The following FRAS1 variants were observed in gnomAD, a reference collection of about 807,000 sequenced individuals.
The protein encoded by FRAS1 is extracellular matrix organizing protein FRAS1.
A neutral mutation model predicts 435.2 loss-of-function variants in FRAS1; 290 were observed. The observed-to-expected ratio is 0.67, with a 90% confidence interval of 0.61 to 0.73. The LOEUF (loss-of-function observed/expected upper bound fraction) is 0.73. Ranked by LOEUF, FRAS1 falls within the 30% of genes least tolerant of loss-of-function variation. FRAS1 has a pLI of 0.00. For synonymous variants in FRAS1, 1,800 were observed against 1,851.0 expected, an observed-to-expected ratio of 0.97 and a Z score of 0.71; for missense variants, 4,860 against 5,001.5, an observed-to-expected ratio of 0.97 and a Z score of 0.85.
At chr4:78,186,360 A>G (rs1281126658) in intron 2 of FRAS1, among the ~76,000 whole-genome samples, 1 of 152,110 alleles carries the variant, frequency 6.6e-6, no homozygotes, top group African/African-American at 2.4e-5. Context: ...CCATCTGTTC[A>G]AGGCTTCACA....
intron 2 of FRAS1, among the ~76,000 whole-genome samples, chr4:78,083,533 A>G (rs1466081167): frequency 6.6e-6 from 1 of 152,110 alleles, no homozygotes; most frequent in East Asian, 1.9e-4. Flanking sequence ...GGAAATAAAA[A>G]GCCTAGGAAC....
At chr4:78,463,839 G>A (rs1719443158) in intron 47 of FRAS1, among the ~76,000 whole-genome samples, 182 bp from the exon 48 acceptor site, 1 of 152,154 alleles carries the variant, frequency 6.6e-6, no homozygotes, top group Non-Finnish European at 1.5e-5. Context: ...TGTTCCCACA[G>A]AATATATGCT....
At chr4:78,122,605 C>T (rs1719093393) in intron 2 of FRAS1, among the ~76,000 whole-genome samples, 1 of 152,032 alleles carries the variant, frequency 6.6e-6, no homozygotes, top group Non-Finnish European at 1.5e-5. Flanking sequence ...AGTGTAAAAG[C>T]ATTTCTATTT....
At position 78,286,508 on chromosome 4, in the gene FRAS1, C is replaced by T. The variant is rs370655417; in HGVS notation, c.1503C>T (p.Asp501=). Residue 501 remains aspartate (D), a synonymous_variant, in exon 14 of 74, where the codon GAC becomes GAT. Coordinates refer to ENST00000512123, the MANE Select transcript of FRAS1 (RefSeq NM_025074.7). The part of the protein sequence containing the change: ...RHGQCVPTCG[D]GFYQDRHSCA... ...GGCAGTGTGTGCCTACCTGTGGGGA[C>T]GGCTTCTACCAAGATCGCCATTCCT... The T allele has an allele frequency of 5.0e-5, 81 of 1,613,338 alleles. No homozygotes were observed. The highest frequency in any genetic ancestry group is 2.7e-4 in the East Asian group (12 of 44,882).
intron 2 of FRAS1, among the ~76,000 whole-genome samples, chr4:78,189,483 G>T (rs1722433554): frequency 6.6e-6 from 1 of 152,198 alleles, no homozygotes; most frequent in African/African-American, 2.4e-5. Context: ...AGTTCTTCAG[G>T]TTCAGAACAT....
chr4:78,539,498 A>G, intron 73 of FRAS1, 58 bp downstream of exon 73: 1 of 1,380,938 alleles, frequency 7.2e-7, no homozygotes, highest in Non-Finnish European at 9.9e-7. Context: ...AGCTTGAAAA[A>G]AAAAAAAAAA....
chr4:78,262,700 T>C (rs1401697449), intron 6 of FRAS1, among the ~76,000 whole-genome samples: 1 of 152,204 alleles, frequency 6.6e-6, no homozygotes, highest in African/African-American at 2.4e-5. Context: ...TTCTTTATCA[T>C]AAGTATTTTT....
chr4:78,380,429 C>A (rs987349027), intron 27 of FRAS1, among the ~76,000 whole-genome samples: 6 of 152,118 alleles, frequency 3.9e-5, no homozygotes, highest in African/African-American at 1.4e-4. Context: ...AACTTAGAAT[C>A]ACAGTGAACT....
At chr4:78,102,635 G>T (rs1742191048) in intron 2 of FRAS1, among the ~76,000 whole-genome samples, 1 of 152,150 alleles carries the variant, frequency 6.6e-6, no homozygotes, top group South Asian at 2.1e-4. Flanking sequence ...AACATGAGAA[G>T]TTGAAGAATT....
intron 2 of FRAS1, among the ~76,000 whole-genome samples, chr4:78,192,676 A>G (rs1032455647): frequency 6.6e-6 from 1 of 152,066 alleles, no homozygotes; most frequent in Non-Finnish European, 1.5e-5. Context: ...CTTCTTTATT[A>G]GTCTTGCTAG....
chr4:78,086,345 C>G (rs1436449574), intron 2 of FRAS1, among the ~76,000 whole-genome samples: 1 of 152,100 alleles, frequency 6.6e-6, no homozygotes, highest in African/African-American at 2.4e-5. Flanking sequence ...AATTGACACT[C>G]TAACATCACA....
At chr4:78,214,414 G>A (rs1182740221) in intron 2 of FRAS1, among the ~76,000 whole-genome samples, 1 of 152,212 alleles carries the variant, frequency 6.6e-6, no homozygotes, top group African/African-American at 2.4e-5. Context: ...GAAGTTGAGA[G>A]AATGGTATAA....
At position 78,539,432 on chromosome 4, in the gene FRAS1, C is replaced by G. The variant is rs1721982190; in HGVS notation, c.11437C>G (p.Leu3813Val). ...TGGATTTACTCTAAAAGTAGATGCA[C>G]TCTATAAGGTGAGTTTGGTGAGAAG... ...VDGFTLKVDA[L>V]YKVEAGHQWY... The change falls in exon 73 of 74, where the codon CTC (leucine) becomes GTC (valine). Residue 3813 changes from leucine (L) to valine (V), a missense_variant. Coordinates refer to ENST00000512123, the MANE Select transcript of FRAS1 (RefSeq NM_025074.7). The G allele has an allele frequency of 6.2e-7, 1 of 1,604,286 alleles. No individual in the cohort carries two copies. The highest frequency in any genetic ancestry group is 1.7e-5 in the Admixed American group (1 of 59,130).
intron 66 of FRAS1, among the ~76,000 whole-genome samples, chr4:78,517,960 C>A (rs7697796): frequency 0.47 from 70,849 of 151,358 alleles, 16,671 homozygotes; most frequent in South Asian, 0.57. Flanking sequence ...TTAAAAAGAA[C>A]AAAAAGAGGG....
intron 1 of FRAS1, among the ~76,000 whole-genome samples, chr4:78,064,085 A>G (rs865885505): frequency 6.6e-6 from 1 of 151,896 alleles, no homozygotes; most frequent in African/African-American, 2.4e-5. Flanking sequence ...ATAACATACC[A>G]TAGACTGAAC....
At chr4:78,158,325 C>G (rs1478260940) in intron 2 of FRAS1, among the ~76,000 whole-genome samples, 1 of 151,992 alleles carries the variant, frequency 6.6e-6, no homozygotes. Context: ...AAATGTTTTT[C>G]CATTTGTTTG....
intron 3 of FRAS1, 65 bp downstream of exon 3, chr4:78,237,682 C>G: frequency 1.3e-6 from 1 of 765,442 alleles, no homozygotes; most frequent in Admixed American, 3.0e-5. Flanking sequence ...GTTTTTGGAT[C>G]ATTTCAGACA....
chr4:78,243,407 C>T (rs982532055), intron 3 of FRAS1, among the ~76,000 whole-genome samples: 7 of 151,992 alleles, frequency 4.6e-5, no homozygotes, highest in East Asian at 1.9e-4. Context: ...CCCCTGCAAC[C>T]ACTTTCTAAA....
chr4:78,069,658 A>G (rs1191937001), intron 2 of FRAS1, among the ~76,000 whole-genome samples: 1 of 152,202 alleles, frequency 6.6e-6, no homozygotes, highest in Admixed American at 6.5e-5. Context: ...AAAGACACCC[A>G]GGTGCAATGC....
Sources: gnomAD v4.1 joint callset for allele counts (sites outside exome capture counted in the v4.1 genomes callset) on GRCh38, gnomAD v4.1.1 for gene constraint, MANE v1.5 for transcripts, NCBI Gene and HGNC (gene_info 2026-07-23, HGNC 2026-07-21) for gene names.